COL14A1: variants seen among roughly 807,000 people sequenced by gnomAD.
COL14A1 encodes collagen alpha-1(XIV) chain.
A neutral mutation model predicts 230.3 loss-of-function variants in COL14A1; 136 were observed. That is an observed-to-expected ratio of 0.59 (90% confidence interval 0.51 to 0.68). The LOEUF (loss-of-function observed/expected upper bound fraction) is 0.68. COL14A1 is among the 30% of genes least tolerant of loss of function. The probability of loss-of-function intolerance (pLI) is 0.00; values close to 1 mark genes in which losing one functional copy is unlikely to be tolerated. For synonymous variants in COL14A1, 792 were observed against 784.1 expected (o/e 1.01, Z -0.17); for missense variants, 1,976 against 2,215.8 (o/e 0.89, Z 2.17).
At chr8:120,357,324 G>A (rs535705171) in intron 45 of COL14A1, among the ~76,000 whole-genome samples, 1 of 152,264 alleles carries the variant, frequency 6.6e-6, no homozygotes, top group East Asian at 1.9e-4. Flanking sequence ...ATGATTGGCA[G>A]GAGGGCTCAG....
In COL14A1 at chr8:120,220,813, GTGA is replaced by G. The variant is rs546374022; in HGVS notation, c.1738-4266_1738-4264del. Among the ~76,000 whole-genome samples, 1,145 of 152,148 alleles carry G rather than the reference GTGA, an allele frequency of 7.5e-3. 11 individuals are homozygous for G. Among genetic ancestry groups the G allele is most frequent in the African/African-American group, 0.025 (1,051 of 41,500 alleles). ...GATGGTGATGATAATGGTGATGATG[GTGA>G]TGATGATGGTGATAATGATAATGAT... is the stretch of plus-strand genomic sequence containing the variant. On this transcript the variant is annotated intron_variant, in intron 14 of 47. Coordinates refer to ENST00000297848, the MANE Select transcript of COL14A1 (RefSeq NM_021110.4).
At chr8:120,260,235 A>G (rs1040802939) in intron 23 of COL14A1, among the ~76,000 whole-genome samples, 2 of 152,146 alleles carry the variant, frequency 1.3e-5, no homozygotes, top group African/African-American at 4.8e-5. Context: ...ATATTTGTCC[A>G]TAGACAAAAT....
In COL14A1 at chr8:120,332,748, C is replaced by T. The variant is rs367958179; in HGVS notation, c.4785+13C>T. On this transcript the variant is annotated intron_variant, in intron 42 of 47. Transcript: ENST00000297848. ...CCTGGGACCACCTGTGAGTATGCAG[C>T]GGTAGCTGCTCAGAATGTAGGCCCA... The T allele has an allele frequency of 5.5e-5, 88 of 1,605,756 alleles. No individual in the cohort carries two copies. In the African/African-American group the frequency reaches 9.4e-4, roughly 17 times the overall value.
chr8:120,297,776 G>A (rs1206960254), intron 35 of COL14A1, among the ~76,000 whole-genome samples, 188 bp downstream of exon 35: 1 of 151,990 alleles, frequency 6.6e-6, no homozygotes, highest in East Asian at 1.9e-4. Context: ...CACATACAGC[G>A]TGAACTGCCC....
chr8:120,213,370 C>G (rs1817665460), intron 13 of COL14A1, among the ~76,000 whole-genome samples: 1 of 152,144 alleles, frequency 6.6e-6, no homozygotes, highest in African/African-American at 2.4e-5. Flanking sequence ...CACTCTTCTC[C>G]TAGACTCGGG....
At position 120,255,272 on chromosome 8, in the gene COL14A1, C is replaced by A; in HGVS notation, c.2785C>A (p.His929Asn). The change falls in exon 23 of 48, where the codon CAT (histidine) becomes AAT (asparagine). Residue 929 changes from histidine to asparagine, a missense_variant. This residue lies in a region of COL14A1 where 1,791 missense variants were observed against 2,019.5 expected (regional missense o/e 0.89). Transcript: ENST00000297848. ...GGGTGTTACCAATCTCCAAGCCAAA[C>A]ATGTTGAAATGACCAGCTTGTGTGC... is the stretch of plus-strand genomic sequence containing the variant. Reference protein sequence around the residue: ...FLGVTNLQAKHVEMTSLCAHW... With the variant: ...FLGVTNLQAKNVEMTSLCAHW... 1.2e-6 allele frequency: 2 copies of A among 1,614,164 alleles called. No homozygotes were observed. Among genetic ancestry groups the A allele is most frequent in the Non-Finnish European group, 1.7e-6 (2 of 1,179,996 alleles).
At chr8:120,189,848 T>C (rs1043442597) in intron 5 of COL14A1, among the ~76,000 whole-genome samples, 9 of 152,140 alleles carry the variant, frequency 5.9e-5, no homozygotes, top group Non-Finnish European at 1.3e-4. Context: ...TATTCCATGA[T>C]GTATATGTGC....
At chr8:120,140,266 AT>A (rs1382765397) in intron 1 of COL14A1, among the ~76,000 whole-genome samples, 1 of 151,480 alleles carries the variant, frequency 6.6e-6, no homozygotes, top group Non-Finnish European at 1.5e-5. Flanking sequence ...TTGCAATATG[AT>A]TGCTGGCAAT....
intron 1 of COL14A1, among the ~76,000 whole-genome samples, chr8:120,137,916 A>C (rs543608723): frequency 5.3e-5 from 8 of 152,030 alleles, no homozygotes; most frequent in African/African-American, 1.7e-4. Context: ...CCTATTATTC[A>C]TTTCTAATTT....
chr8:120,207,840 CAAAAA>C (rs35971998), intron 10 of COL14A1, among the ~76,000 whole-genome samples: 1 of 116,916 alleles, frequency 8.6e-6, no homozygotes. Flanking sequence ...TCATTTGGAC[CAAAAA>C]AAAAAAAAAA....
chr8:120,139,193 C>G (rs1814813440), intron 1 of COL14A1, among the ~76,000 whole-genome samples: 1 of 152,210 alleles, frequency 6.6e-6, no homozygotes, highest in South Asian at 2.1e-4. Context: ...TAAAACTCTT[C>G]TAATATATGA....
intron 1 of COL14A1, among the ~76,000 whole-genome samples, chr8:120,142,259 CA>C (rs1440063647): frequency 6.6e-6 from 1 of 152,158 alleles, no homozygotes; most frequent in East Asian, 1.9e-4. Flanking sequence ...GTGTGACTGG[CA>C]GATTTACTGA....
intron 25 of COL14A1, among the ~76,000 whole-genome samples, chr8:120,269,798 T>C (rs1405337861): frequency 1.3e-5 from 2 of 151,734 alleles, no homozygotes; most frequent in African/African-American, 2.4e-5. Context: ...TCTTTCTCTA[T>C]TTCCACACGG....
intron 42 of COL14A1, among the ~76,000 whole-genome samples, chr8:120,339,230 C>T (rs1409038393): frequency 6.6e-6 from 1 of 152,186 alleles, no homozygotes; most frequent in African/African-American, 2.4e-5. Flanking sequence ...GACTTGTGAT[C>T]AAGGCCTTTG....
At chr8:120,336,435 A>G (rs543487170) in intron 42 of COL14A1, among the ~76,000 whole-genome samples, 6 of 152,278 alleles carry the variant, frequency 3.9e-5, no homozygotes, top group Admixed American at 6.5e-5. Flanking sequence ...ATATTTTTCA[A>G]TTCTTTCTCT....
chr8:120,156,900 G>A (rs569402429), intron 2 of COL14A1, among the ~76,000 whole-genome samples: 3 of 152,306 alleles, frequency 2.0e-5, no homozygotes, highest in African/African-American at 7.2e-5. Context: ...CCATGCCTAT[G>A]TAGGAGAATG....
chr8:120,317,337 T>C (rs1821268638), intron 40 of COL14A1, among the ~76,000 whole-genome samples: 1 of 152,056 alleles, frequency 6.6e-6, no homozygotes, highest in South Asian at 2.1e-4. Context: ...GCAAGCCTTC[T>C]ACATCCCCCC....
chr8:120,208,181 C>T, intron 10 of COL14A1, 51 bp from the exon 11 acceptor site: 2 of 1,484,768 alleles, frequency 1.3e-6, no homozygotes, highest in African/African-American at 1.4e-5. Flanking sequence ...GATTTCAATT[C>T]TGCGTGTAAG....
intron 1 of COL14A1, 117 bp from the exon 2 acceptor site, chr8:120,147,689 G>C: frequency 1.8e-6 from 1 of 561,492 alleles, no homozygotes; most frequent in Non-Finnish European, 3.1e-6. Flanking sequence ...GATGCTCTAG[G>C]GAATTAATTA....
Sources: gnomAD v4.1 joint callset for allele counts (sites outside exome capture counted in the v4.1 genomes callset) on GRCh38, gnomAD v4.1.1 for gene constraint, gnomAD v4.1.1 regional missense constraint, MANE v1.5 for transcripts, NCBI Gene and HGNC (gene_info 2026-07-23, HGNC 2026-07-21) for gene names.